RBM33: variants seen among roughly 807,000 people sequenced by gnomAD.
RBM33 encodes the protein RNA binding motif protein 33, also known as RNA-binding protein 33.
In RBM33, 28 loss-of-function variants were observed where a neutral mutation model predicts 132.6. The observed-to-expected ratio is 0.21, with a 90% CI of 0.16 to 0.29. The LOEUF is 0.29. Among genes scored for constraint, RBM33 ranks in the 10% least tolerant of loss-of-function variants. The pLI is 1.00. For missense variants in RBM33, 1,291 were observed against 1,518.5 expected (o/e 0.85, Z 2.49); for synonymous variants, 634 against 593.0 (o/e 1.07, Z -1.01).
In RBM33 at chr7:155,744,987, G is replaced by A. The variant is rs1801464435; in HGVS notation, c.2364G>A (p.Arg788=). The change falls in exon 14 of 18, where the codon AGG becomes AGA. Residue 788 remains arginine, a synonymous_variant. Coordinates refer to ENST00000401878, the MANE Select transcript of RBM33 (RefSeq NM_053043.3). The stretch of plus-strand genomic sequence containing the variant: ...TTCCTGATGAAGATGAGGAAACAAG[G>A]TTATATCGCTTAAAGATAGAAGAAC... The part of the protein sequence containing the change: ...TEFPDEDEET[R]LYRLKIEEQK... 1 of 1,590,504 alleles carries A rather than the reference G, an allele frequency of 6.3e-7. No homozygotes were observed. The highest frequency in any genetic ancestry group is 8.5e-7 in the Non-Finnish European group (1 of 1,171,916).
At chr7:155,657,302 A>G (rs914231168) in intron 1 of RBM33, among the ~76,000 whole-genome samples, 1 of 152,170 alleles carries the variant, frequency 6.6e-6, no homozygotes. Context: ...GCTGATGCAC[A>G]GTGTGAGATG....
chr7:155,650,597 G>A (rs1262319891), intron 1 of RBM33, among the ~76,000 whole-genome samples: 1 of 152,104 alleles, frequency 6.6e-6, no homozygotes, highest in Non-Finnish European at 1.5e-5. Flanking sequence ...TTTTATTTAT[G>A]ATATGTTGGT....
At chr7:155,646,149 G>C (rs545867893) in intron 1 of RBM33, among the ~76,000 whole-genome samples, 1 of 152,242 alleles carries the variant, frequency 6.6e-6, no homozygotes, top group South Asian at 2.1e-4. Flanking sequence ...AAAGACTAAG[G>C]TGTTATTTGT....
intron 1 of RBM33, among the ~76,000 whole-genome samples, chr7:155,650,217 G>A (rs1317041304): frequency 2.0e-5 from 3 of 152,206 alleles, no homozygotes; most frequent in South Asian, 4.1e-4. Flanking sequence ...TGGTCTCTGA[G>A]CTGATTCCTC....
chr7:155,729,177 T>A (rs1026081280), intron 9 of RBM33, among the ~76,000 whole-genome samples: 3 of 152,054 alleles, frequency 2.0e-5, no homozygotes, highest in Non-Finnish European at 2.9e-5. Context: ...AACCATCAGA[T>A]CTTGTGAAAA....
At chr7:155,662,222 T>C (rs559605340) in intron 1 of RBM33, among the ~76,000 whole-genome samples, 15 of 152,280 alleles carry the variant, frequency 9.9e-5, no homozygotes, top group African/African-American at 3.6e-4. Flanking sequence ...TAAATTGCTT[T>C]ATAAATTGAG....
At chr7:155,644,961 C>T in intron 1 of RBM33, 42 bp downstream of exon 1, 1 of 1,446,568 alleles carries the variant, frequency 6.9e-7, no homozygotes, top group Non-Finnish European at 9.1e-7. Context: ...GACCGCGCCG[C>T]GGTGGGCGGG....
At chr7:155,676,381 A>G (rs546852690) in intron 3 of RBM33, among the ~76,000 whole-genome samples, 5 of 152,318 alleles carry the variant, frequency 3.3e-5, no homozygotes, top group African/African-American at 1.2e-4. Flanking sequence ...ATTTAACTTC[A>G]TCAACTCGTG....
At chr7:155,717,266 T>A (rs1020589403) in intron 8 of RBM33, among the ~76,000 whole-genome samples, 4 of 152,112 alleles carry the variant, frequency 2.6e-5, no homozygotes, top group African/African-American at 4.8e-5. Flanking sequence ...GAAGTCCAAG[T>A]TCGAGGTGTG....
In RBM33 at chr7:155,747,048, CTT is replaced by C. The variant is rs558998664; in HGVS notation, c.2979+1448_2979+1449del. Among the ~76,000 whole-genome samples the C allele has an allele frequency of 2.0e-5, 3 of 152,250 alleles. No homozygotes were observed. In the South Asian group the frequency reaches 6.2e-4, roughly 32 times the overall value. ...TTATTTCTAGGTTTGTAGAACAAAA[CTT>C]TGACTTTTTCATGTGCTATAAGAAA... On this transcript the variant is annotated intron_variant, in intron 14 of 17. Coordinates refer to ENST00000401878, the MANE Select transcript of RBM33 (RefSeq NM_053043.3).
intron 3 of RBM33, among the ~76,000 whole-genome samples, chr7:155,674,623 T>C (rs1263332902): frequency 1.3e-5 from 2 of 152,178 alleles, no homozygotes; most frequent in Non-Finnish European, 2.9e-5. Flanking sequence ...AGGACTGTTA[T>C]CAATAAAGAT....
chr7:155,751,823 G>T (rs184900257), intron 14 of RBM33, among the ~76,000 whole-genome samples: 264 of 152,244 alleles, frequency 1.7e-3, no homozygotes, highest in Middle Eastern at 0.017. Flanking sequence ...ACTTTGAGAC[G>T]ATTGGGACTA....
intron 14 of RBM33, among the ~76,000 whole-genome samples, chr7:155,750,877 C>T (rs940058713): frequency 2.0e-5 from 3 of 152,052 alleles, no homozygotes; most frequent in Admixed American, 6.6e-5. Flanking sequence ...ATTCTGTTGG[C>T]CACACAGAGA....
chr7:155,678,580 C>T (rs1563140291), intron 3 of RBM33, 28 bp from the exon 4 acceptor site: 6 of 1,316,114 alleles, frequency 4.6e-6, no homozygotes, highest in East Asian at 2.5e-5. Context: ...AAGTGACACA[C>T]ATTAATTATA....
intron 5 of RBM33, among the ~76,000 whole-genome samples, chr7:155,685,395 G>C (rs766954550): frequency 1.3e-5 from 2 of 152,210 alleles, no homozygotes; most frequent in Non-Finnish European, 2.9e-5. Flanking sequence ...AATACTGCAA[G>C]GTTTCTGTAA....
At chr7:155,724,847 A>G (rs1045712061) in intron 9 of RBM33, among the ~76,000 whole-genome samples, 14 of 152,170 alleles carry the variant, frequency 9.2e-5, no homozygotes, top group Non-Finnish European at 1.8e-4. Flanking sequence ...TGCACCAGTC[A>G]GTAGTTTGTC....
chr7:155,658,881 GCTCT>G (rs1178243226), intron 1 of RBM33, among the ~76,000 whole-genome samples: 1 of 152,138 alleles, frequency 6.6e-6, no homozygotes, highest in Non-Finnish European at 1.5e-5. Context: ...TGGTACAGAG[GCTCT>G]CTCTGTTATT....
intron 3 of RBM33, 39 bp from the exon 4 acceptor site, chr7:155,678,569 G>T: frequency 8.1e-7 from 1 of 1,236,144 alleles, no homozygotes; most frequent in South Asian, 1.4e-5. Flanking sequence ...TCTTTTTATG[G>T]AAGTGACACA....
chr7:155,724,990 T>TTG (rs56739117), intron 9 of RBM33, among the ~76,000 whole-genome samples: 18,644 of 122,814 alleles, frequency 0.15, 1,346 homozygotes, highest in South Asian at 0.18. Context: ...GTGTACAGGT[T>TTG]TGTGTGTGTG....
Sources: gnomAD v4.1 joint callset for allele counts (sites outside exome capture counted in the v4.1 genomes callset) on GRCh38, gnomAD v4.1.1 for gene constraint, MANE v1.5 for transcripts, NCBI Gene and HGNC (gene_info 2026-07-23, HGNC 2026-07-21) for gene names.